The following THADA variants were observed in gnomAD, a reference collection of about 807,000 sequenced individuals.
THADA encodes THADA armadillo repeat containing, also known as tRNA (32-2'-O)-methyltransferase regulator THADA.
THADA carries 213 observed loss-of-function variants against 219.8 expected under a neutral mutation model. The observed-to-expected ratio is 0.97, with a 90% CI of 0.87 to 1.09. THADA has a LOEUF of 1.09. Ranked by LOEUF, THADA falls within the 50% of genes least tolerant of loss-of-function variation. The pLI, the probability that THADA is intolerant of heterozygous loss-of-function variation, is 0.00. For synonymous variants in THADA, 1,018 were observed against 828.9 expected (o/e 1.23, Z -3.92); for missense variants, 2,956 against 2,311.3 (o/e 1.28, Z -5.72).
At chr2:43,260,231 G>A (rs1670787278) in intron 36 of THADA, among the ~76,000 whole-genome samples, 1 of 152,160 alleles carries the variant, frequency 6.6e-6, no homozygotes, top group African/African-American at 2.4e-5. Context: ...ACCACACCTG[G>A]CCAAGAACAA....
chr2:43,288,040 A>C (rs1238463869), intron 34 of THADA, among the ~76,000 whole-genome samples: 1 of 152,216 alleles, frequency 6.6e-6, no homozygotes, highest in Non-Finnish European at 1.5e-5. Flanking sequence ...GAACCTGGTG[A>C]CTCAACACTG....
intron 17 of THADA, among the ~76,000 whole-genome samples, chr2:43,552,996 G>A (rs1014912335): frequency 6.6e-6 from 1 of 152,108 alleles, no homozygotes; most frequent in Admixed American, 6.6e-5. Flanking sequence ...TACAATATGC[G>A]ATCTTTTGAA....
intron 25 of THADA, among the ~76,000 whole-genome samples, chr2:43,497,937 G>A (rs1373557487): frequency 6.6e-6 from 1 of 151,978 alleles, no homozygotes; most frequent in Non-Finnish European, 1.5e-5. Context: ...GGTAGGTGCA[G>A]CAAACCACCA....
intron 36 of THADA, among the ~76,000 whole-genome samples, chr2:43,241,006 C>A (rs912736314): frequency 6.6e-6 from 1 of 152,218 alleles, no homozygotes; most frequent in Non-Finnish European, 1.5e-5. Flanking sequence ...ACAGCCATCC[C>A]TTCCCCCAAA....
At chr2:43,319,981 A>T (rs1678505146) in intron 31 of THADA, among the ~76,000 whole-genome samples, 1 of 152,236 alleles carries the variant, frequency 6.6e-6, no homozygotes, top group East Asian at 1.9e-4. Flanking sequence ...CATGACCAAG[A>T]AACATGTGGA....
chr2:43,382,279 G>A (rs1415511769), intron 29 of THADA, among the ~76,000 whole-genome samples: 1 of 152,204 alleles, frequency 6.6e-6, no homozygotes, highest in Non-Finnish European at 1.5e-5. Flanking sequence ...CATGACAAAT[G>A]TTGCATACTA....
chr2:43,571,856 T>C lies in THADA; in HGVS notation c.1915A>G (p.Ile639Val), dbSNP rs759196728. Residue 639 changes from isoleucine (I) to valine (V), a missense_variant, in exon 13 of 38, where the codon ATA becomes GTA. Coordinates refer to ENST00000405975, the MANE Select transcript of THADA (RefSeq NM_022065.5). Reference protein sequence around the residue: ...GLIHQHCQVRIDTLGLLCESN... With the variant: ...GLIHQHCQVRVDTLGLLCESN... ...TCACAAAGCAAGCCTAATGTATCTA[T>C]CCTTACCTAAAAAACATCAAGCAAT... 3 of 1,611,896 alleles carry C rather than the reference T, an allele frequency of 1.9e-6. No homozygotes were observed. In the South Asian group the frequency reaches 3.3e-5, roughly 18 times the overall value.
intron 22 of THADA, among the ~76,000 whole-genome samples, chr2:43,523,767 A>G (rs140318857): frequency 0.011 from 1,605 of 152,348 alleles, 29 homozygotes; most frequent in African/African-American, 0.037. Flanking sequence ...ACTGCAATAA[A>G]TATCTGTAGA....
At chr2:43,523,072 A>C (rs1692693170) in intron 22 of THADA, among the ~76,000 whole-genome samples, 1 of 152,232 alleles carries the variant, frequency 6.6e-6, no homozygotes, top group East Asian at 1.9e-4. Context: ...ATGAAATGTA[A>C]ATAAAAGTTT....
At chr2:43,292,243 C>T (rs775786571) in intron 32 of THADA, 21 bp from the exon 33 acceptor site, 9 of 1,467,174 alleles carry the variant, frequency 6.1e-6, no homozygotes, top group Non-Finnish European at 7.4e-6. Flanking sequence ...CAAATCCGCA[C>T]ACAAAAAAGA....
At chr2:43,486,045 C>T (rs1369872222) in intron 25 of THADA, among the ~76,000 whole-genome samples, 1 of 151,842 alleles carries the variant, frequency 6.6e-6, no homozygotes, top group Non-Finnish European at 1.5e-5. Context: ...GATTGTGCCA[C>T]TGTGCTCCAG....
chr2:43,349,288 G>A (rs1667986175), intron 29 of THADA, among the ~76,000 whole-genome samples: 1 of 152,262 alleles, frequency 6.6e-6, no homozygotes, highest in Non-Finnish European at 1.5e-5. Context: ...CCTGGAAGCA[G>A]TTACCCTCTG....
rs755122703 is a variant in THADA at position 43,397,922 on chromosome 2, G to A, written c.4227+49C>T. 8 of 1,589,888 alleles carry A rather than the reference G, an allele frequency of 5.0e-6. No homozygotes were observed. The East Asian group carries it at 8.9e-5, about 18-fold the overall frequency. On this transcript the variant is annotated intron_variant, in intron 29 of 37. Transcript: ENST00000405975. ...AGCTAACAGTACATAAGAAACCAAA[G>A]TTCATCTTATGGTGTTTGACAGAAG...
chr2:43,520,713 T>TATATATACACACACACACACACAC (rs1218079783), intron 22 of THADA, among the ~76,000 whole-genome samples: 24 of 125,108 alleles, frequency 1.9e-4, no homozygotes, highest in African/African-American at 6.5e-4. Flanking sequence ...TATATATATA[T>TATATATACACACACACACACACAC]ACACACACAC....
At chr2:43,332,076 C>A (rs1039351743) in intron 30 of THADA, among the ~76,000 whole-genome samples, 1 of 152,114 alleles carries the variant, frequency 6.6e-6, no homozygotes, top group Non-Finnish European at 1.5e-5. Context: ...CAATCTGAGA[C>A]AATTAATCTT....
At chr2:43,452,988 A>C (rs894745791) in intron 26 of THADA, among the ~76,000 whole-genome samples, 1 of 152,132 alleles carries the variant, frequency 6.6e-6, no homozygotes, top group Non-Finnish European at 1.5e-5. Context: ...ATTTGTTCTT[A>C]TTCAGGCTAA....
intron 36 of THADA, among the ~76,000 whole-genome samples, chr2:43,239,863 C>G (rs1458829822): frequency 6.6e-6 from 1 of 152,226 alleles, no homozygotes; most frequent in African/African-American, 2.4e-5. Flanking sequence ...CATCCACCCA[C>G]TCACCCATTC....
chr2:43,564,082 C>T (rs918527063), intron 15 of THADA: 2 of 152,196 alleles, frequency 1.3e-5, no homozygotes, highest in Admixed American at 6.5e-5. Flanking sequence ...TTCCCACACA[C>T]TTAGATGCAG....
chr2:43,571,494 G>A (rs907613312), intron 13 of THADA, among the ~76,000 whole-genome samples: 1 of 151,924 alleles, frequency 6.6e-6, no homozygotes, highest in African/African-American at 2.4e-5. Flanking sequence ...AAAAATGGTG[G>A]GGGGAGGGGT....
Sources: gnomAD v4.1 joint callset for allele counts (sites outside exome capture counted in the v4.1 genomes callset) on GRCh38, gnomAD v4.1.1 for gene constraint, MANE v1.5 for transcripts, NCBI Gene and HGNC (gene_info 2026-07-23, HGNC 2026-07-21) for gene names.